The following CCDC83 variants were observed in gnomAD, a reference collection of about 807,000 sequenced individuals.
The protein encoded by CCDC83 is coiled-coil domain-containing protein 83.
CCDC83 carries 54 observed loss-of-function variants against 50.1 expected under a neutral mutation model. That is an observed-to-expected ratio of 1.08 (90% CI 0.87 to 1.35). CCDC83 has a LOEUF of 1.35. Ranked by LOEUF, CCDC83 falls within the 40% of genes most tolerant of loss-of-function variation. CCDC83 has a pLI of 0.00. For synonymous variants in CCDC83, 161 were observed against 153.3 expected, an observed-to-expected ratio of 1.05 and a Z score of -0.37; for missense variants, 518 against 473.9, an observed-to-expected ratio of 1.09 and a Z score of -0.86.
At chr11:85,911,531 A>C (rs532629255) in intron 8 of CCDC83, 129 bp downstream of exon 8, 2 of 661,978 alleles carry the variant, frequency 3.0e-6, no homozygotes, top group East Asian at 3.2e-5. Flanking sequence ...AGAAAGGGAC[A>C]AAAAAAATGC....
chr11:85,864,867 T>G (rs1030295725), intron 1 of CCDC83, among the ~76,000 whole-genome samples: 8 of 151,834 alleles, frequency 5.3e-5, no homozygotes, highest in African/African-American at 1.9e-4. Flanking sequence ...TCTTAGAAAG[T>G]TTTGGGTGGA....
chr11:85,868,877 G>A (rs1248741446), intron 2 of CCDC83, among the ~76,000 whole-genome samples: 1 of 152,206 alleles, frequency 6.6e-6, no homozygotes, highest in African/African-American at 2.4e-5. Flanking sequence ...AATATGGCAG[G>A]TCATGTGTGC....
At chr11:85,872,632 GC>G (rs1227542867) in intron 2 of CCDC83, among the ~76,000 whole-genome samples, 4 of 152,100 alleles carry the variant, frequency 2.6e-5, no homozygotes, top group African/African-American at 9.7e-5. Context: ...CTATCAAATA[GC>G]CTATAAGAAA....
Position 85,896,655 on chromosome 11 carries a change from A to C in CCDC83, c.603+1271A>C, listed in dbSNP as rs181824323. On this transcript the variant is annotated intron_variant, in intron 6 of 10. Coordinates refer to ENST00000342404, the MANE Select transcript of CCDC83 (RefSeq NM_001286159.2). ...TATATACCCAAACCTAAAAGAGTATATTCTACACTGCTGGCACTTTAAAAA... is the reference window on the plus strand; with the variant it reads ...TATATACCCAAACCTAAAAGAGTATCTTCTACACTGCTGGCACTTTAAAAA... 7.2e-4 allele frequency among the ~76,000 whole-genome samples: 110 copies of C among 152,238 alleles called. 1 individual carries two copies. In the East Asian group the frequency reaches 0.014, roughly 20 times the overall value.
At chr11:85,867,967 C>A (rs988677465) in intron 2 of CCDC83, among the ~76,000 whole-genome samples, 2 of 152,160 alleles carry the variant, frequency 1.3e-5, no homozygotes, top group Non-Finnish European at 2.9e-5. Flanking sequence ...GAACTGTTGT[C>A]ACATGACACA....
intron 5 of CCDC83, among the ~76,000 whole-genome samples, chr11:85,894,844 C>T (rs1184438031): frequency 6.6e-6 from 1 of 152,136 alleles, no homozygotes; most frequent in Non-Finnish European, 1.5e-5. Flanking sequence ...TCTCATAGTC[C>T]TTAAGAAGGG....
intron 3 of CCDC83, among the ~76,000 whole-genome samples, chr11:85,881,700 T>A (rs2093301434): frequency 6.6e-6 from 1 of 152,228 alleles, no homozygotes; most frequent in Non-Finnish European, 1.5e-5. Context: ...ATTACAGGCA[T>A]GAGCCACCAC....
At chr11:85,912,024 TAAAATTAAAATTC>T (rs1477067990) in intron 8 of CCDC83, among the ~76,000 whole-genome samples, 2 of 151,832 alleles carry the variant, frequency 1.3e-5, no homozygotes, top group African/African-American at 4.8e-5. Flanking sequence ...CCCTTGAATA[TAAAATTAAAATTC>T]AAAATGGCAC....
At chr11:85,876,813 T>C (rs541607147) in intron 3 of CCDC83, among the ~76,000 whole-genome samples, 2 of 152,344 alleles carry the variant, frequency 1.3e-5, no homozygotes, top group Admixed American at 6.5e-5. Flanking sequence ...CCTCTTTTCT[T>C]GTTCTTATGA....
intron 5 of CCDC83, among the ~76,000 whole-genome samples, chr11:85,893,858 GT>G (rs1250301689): frequency 2.0e-5 from 3 of 152,002 alleles, no homozygotes; most frequent in Non-Finnish European, 4.4e-5. Context: ...CAAGGACAGG[GT>G]TTTTTTCTGT....
chr11:85,899,016 G>C lies in CCDC83; in HGVS notation c.672+1G>C. ...GGAGAATGACTGGCTCAAAAAAGAG[G>C]TAAGTGGAATTTATCAAAACAAACA... On this transcript the variant is annotated splice_donor_variant, in intron 7 of 10. Transcript: ENST00000342404. LOFTEE classifies it high-confidence loss of function. 6.2e-7 allele frequency: 1 copy of C among 1,602,284 alleles called. No homozygotes were observed. Among genetic ancestry groups the C allele is most frequent in the Non-Finnish European group, 8.5e-7 (1 of 1,170,814 alleles).
intron 2 of CCDC83, among the ~76,000 whole-genome samples, chr11:85,872,111 C>T (rs1167892644): frequency 1.3e-5 from 2 of 152,090 alleles, no homozygotes; most frequent in African/African-American, 4.8e-5. Context: ...CACCTCCACA[C>T]CTGGCTAATT....
intron 8 of CCDC83, among the ~76,000 whole-genome samples, chr11:85,914,662 G>T (rs1271018392): frequency 1.3e-5 from 2 of 152,072 alleles, no homozygotes; most frequent in Non-Finnish European, 2.9e-5. Flanking sequence ...TCAATTTTTT[G>T]AACTTTAAGT....
chr11:85,899,049 C>T (rs765074675), intron 7 of CCDC83, 34 bp downstream of exon 7: 13 of 1,497,288 alleles, frequency 8.7e-6, no homozygotes, highest in Admixed American at 3.5e-5. Flanking sequence ...ACAATTTCTT[C>T]GTTCTCATTT....
At chr11:85,873,777 T>G (rs1006927895) in intron 3 of CCDC83, among the ~76,000 whole-genome samples, 1 of 152,154 alleles carries the variant, frequency 6.6e-6, no homozygotes, top group African/African-American at 2.4e-5. Context: ...TTAAAATGAA[T>G]ATCAAAAAGG....
chr11:85,865,871 G>C (rs1178322050), intron 2 of CCDC83, among the ~76,000 whole-genome samples: 2 of 147,032 alleles, frequency 1.4e-5, no homozygotes, highest in African/African-American at 5.1e-5. Flanking sequence ...CTGGGCAACA[G>C]AGCAAGATTC....
intron 2 of CCDC83, among the ~76,000 whole-genome samples, chr11:85,872,227 G>C (rs7925883): frequency 6.6e-6 from 1 of 152,052 alleles, no homozygotes; most frequent in Non-Finnish European, 1.5e-5. Context: ...GCTCACACCT[G>C]TAACCCCAGC....
intron 7 of CCDC83, among the ~76,000 whole-genome samples, chr11:85,910,426 A>G (rs1253078888): frequency 1.3e-5 from 2 of 152,338 alleles, no homozygotes; most frequent in East Asian, 3.9e-4. Context: ...AGTTCTCAGA[A>G]TTACCTAGCA....
At chr11:85,856,748 A>C (rs1349725950) in intron 1 of CCDC83, among the ~76,000 whole-genome samples, 1 of 152,218 alleles carries the variant, frequency 6.6e-6, no homozygotes, top group Non-Finnish European at 1.5e-5. Context: ...ATTTTAACAT[A>C]TTTCCAAACC....
Sources: gnomAD v4.1 joint callset for allele counts (sites outside exome capture counted in the v4.1 genomes callset) on GRCh38, gnomAD v4.1.1 for gene constraint, MANE v1.5 for transcripts, NCBI Gene and HGNC (gene_info 2026-07-23, HGNC 2026-07-21) for gene names.